The following EXD3 variants were observed in gnomAD, a reference collection of about 807,000 sequenced individuals.
The protein encoded by EXD3 is exonuclease mut-7 homolog.
EXD3 carries 92 observed loss-of-function variants against 98.0 expected under a neutral mutation model. The ratio of observed to expected loss-of-function variants is 0.94; its 90% CI spans 0.79 to 1.12. The LOEUF (loss-of-function observed/expected upper bound fraction) is 1.12, where lower values mean the gene tolerates loss of function less well. Ranked by LOEUF, EXD3 falls within the 50% of genes most tolerant of loss-of-function variation. The probability of loss-of-function intolerance (pLI) is 0.00; values close to 1 mark genes in which losing one functional copy is unlikely to be tolerated. For synonymous variants in EXD3, 569 were observed against 526.0 expected, an observed-to-expected ratio of 1.08 and a Z score of -1.12; for missense variants, 1,222 against 1,191.6, an observed-to-expected ratio of 1.03 and a Z score of -0.38.
At chr9:137,411,725 G>A (rs1176658351) in intron 1 of EXD3, among the ~76,000 whole-genome samples, 61 of 137,342 alleles carry the variant, frequency 4.4e-4, no homozygotes, top group African/African-American at 1.4e-3. Context: ...GGGGATGGGT[G>A]GGGGAGGGGG....
rs61677362 is a variant in EXD3 at position 137,348,320 on chromosome 9, G to A, written c.1831-82C>T. The A allele has an allele frequency of 3.6e-3, 5,097 of 1,419,620 alleles. 138 individuals are homozygous for A. The African/African-American group carries it at 0.064, about 18-fold the overall frequency. The allele number at this position is 1,419,620 out of a possible 1,614,324, so 87.9% of individuals were successfully genotyped here. A position where few individuals can be genotyped will look rare whatever the true frequency, so the allele number is the denominator to read the frequency against. On this transcript the variant is annotated intron_variant, in intron 16 of 21. Transcript: ENST00000340951. ...CAGAGAGCCAGGGCCCTGAGGCTGT[G>A]TGGCCAGCACTCTGTCTCTGTTTTA...
chr9:137,367,585 T>G, intron 6 of EXD3: 1 of 248,298 alleles, frequency 4.0e-6, no homozygotes, highest in Non-Finnish European at 7.8e-6. Context: ...CACTGCACGG[T>G]GGAGGCGTGC....
At chr9:137,388,781 C>T (rs989991955) in intron 2 of EXD3, among the ~76,000 whole-genome samples, 18 of 152,140 alleles carry the variant, frequency 1.2e-4, no homozygotes, top group Non-Finnish European at 1.3e-4. Flanking sequence ...TCTCCAAGGC[C>T]GTCCCACACC....
chr9:137,376,237 G>A (rs985428024), intron 3 of EXD3, among the ~76,000 whole-genome samples: 5 of 151,584 alleles, frequency 3.3e-5, no homozygotes, highest in African/African-American at 7.3e-5. Context: ...CCAGCTACTC[G>A]GGAGGCAGAG....
intron 1 of EXD3, among the ~76,000 whole-genome samples, chr9:137,410,879 G>A (rs1837965338): frequency 6.6e-6 from 1 of 151,934 alleles, no homozygotes; most frequent in South Asian, 2.1e-4. Flanking sequence ...GCAGGTGACT[G>A]TGCCTGGAGC....
At chr9:137,397,623 A>T (rs891808337) in intron 1 of EXD3, among the ~76,000 whole-genome samples, 1 of 152,226 alleles carries the variant, frequency 6.6e-6, no homozygotes, top group Non-Finnish European at 1.5e-5. Context: ...GTGTTAGCAA[A>T]GACTTTAACA....
At chr9:137,374,444 A>C (rs1184508182) in intron 3 of EXD3, 1 of 515,862 alleles carries the variant, frequency 1.9e-6, no homozygotes, top group East Asian at 1.5e-4. Context: ...CGTCCCTGCG[A>C]TGTGGATGGT....
At chr9:137,354,066 C>G in intron 10 of EXD3, 1 of 1,225,496 alleles carries the variant, frequency 8.2e-7, no homozygotes, top group Non-Finnish European at 1.0e-6. Context: ...ACAGGCAGCT[C>G]CGCTGGGTTG....
At chr9:137,418,284 G>A (rs2131845058) in intron 1 of EXD3, among the ~76,000 whole-genome samples, 1 of 152,266 alleles carries the variant, frequency 6.6e-6, no homozygotes, top group Middle Eastern at 3.4e-3. Context: ...GGAAGCAGAG[G>A]TTGCAGTGAG....
At chr9:137,331,975 C>T (rs1395949022) in intron 17 of EXD3, among the ~76,000 whole-genome samples, 1 of 151,904 alleles carries the variant, frequency 6.6e-6, no homozygotes, top group Non-Finnish European at 1.5e-5. Flanking sequence ...TTTACAATAT[C>T]TGCGCAACGA....
rs1009775454 is a variant in EXD3 at position 137,349,322 on chromosome 9, C to T, written c.1658-40G>A. 2.0e-5 allele frequency: 31 copies of T among 1,543,912 alleles called. No individual in the cohort carries two copies. Among genetic ancestry groups the T allele is most frequent in the Admixed American group, 1.9e-4 (10 of 53,244 alleles). On this transcript the variant is annotated intron_variant, in intron 15 of 21. Transcript: ENST00000340951. The surrounding 1 kb of genome is among the most constrained non-coding windows in gnomAD (Gnocchi z 7.4). ...GGCCTCAGCCTCCCGGGACAGAGGG[C>T]GGGAGGGGCGTGAGGAGGGGTCACT...
At chr9:137,380,763 G>C (rs1253790170) in intron 3 of EXD3, among the ~76,000 whole-genome samples, 1 of 141,754 alleles carries the variant, frequency 7.1e-6, no homozygotes, top group Non-Finnish European at 1.5e-5. Context: ...GGCTTCAGTA[G>C]TGGGGCTGGG....
intron 7 of EXD3, among the ~76,000 whole-genome samples, chr9:137,357,535 A>AGTTCTGT (rs1296449516): frequency 6.6e-6 from 1 of 151,908 alleles, no homozygotes; most frequent in Non-Finnish European, 1.5e-5. Context: ...TCATCCACCA[A>AGTTCTGT]GTTCTGTCCT....
intron 19 of EXD3, among the ~76,000 whole-genome samples, chr9:137,317,343 CCT>C (rs1831737914): frequency 6.6e-6 from 1 of 152,168 alleles, no homozygotes; most frequent in South Asian, 2.1e-4. Flanking sequence ...TGCGTGCACC[CCT>C]GGCACCCCGA....
intron 17 of EXD3, among the ~76,000 whole-genome samples, chr9:137,328,717 C>T (rs1832680525): frequency 1.8e-5 from 1 of 54,206 alleles, no homozygotes; most frequent in Admixed American, 1.7e-4. Flanking sequence ...CGGGACTACA[C>T]GGGACTACAC....
At chr9:137,399,590 T>C (rs1837385926) in intron 1 of EXD3, among the ~76,000 whole-genome samples, 2 of 152,234 alleles carry the variant, frequency 1.3e-5, no homozygotes, top group Admixed American at 1.3e-4. Context: ...CTTCTCTTCC[T>C]AACCCCCATA....
Position 137,395,654 on chromosome 9 carries a change from G to A in EXD3, c.-47-250C>T, listed in dbSNP as rs1837179518. 6.6e-6 allele frequency among the ~76,000 whole-genome samples: 1 copy of A among 152,102 alleles called. No homozygotes were observed. The highest frequency in any genetic ancestry group is 2.1e-4 in the South Asian group (1 of 4,828). On this transcript the variant is annotated intron_variant, in intron 1 of 21. Transcript: ENST00000340951. The surrounding 1 kb of genome is among the most constrained non-coding windows in gnomAD (Gnocchi z 6.5). ...CAGCTTTCAGCAGGGAGGGCAGGGG[G>A]TGGGAGGGGCCCTGGGGGGGGGCAC...
chr9:137,345,605 T>C (rs929095900), intron 17 of EXD3: 1 of 143,368 alleles, frequency 7.0e-6, no homozygotes, highest in Admixed American at 7.7e-5. Context: ...GAGGTTGCAG[T>C]GGGCCCAGGT....
Position 137,356,305 on chromosome 9 carries a change from C to G in EXD3, c.720G>C (p.Gln240His). ...EKLSPKALSRQVLRLQERYGV... is the reference protein window; with the variant it reads ...EKLSPKALSRHVLRLQERYGV... ...CGTACCGCTCCTGCAGACGCAAGAC[C>G]TGCCTGCTCAGCGCCTTCGGACTCA... Residue 240 changes from glutamine (Q) to histidine (H), a missense_variant, in exon 8 of 22, where the codon CAG becomes CAC. By Grantham distance (24) the Gln-to-His change is conservative. Transcript: ENST00000340951. 1.2e-6 allele frequency: 2 copies of G among 1,605,018 alleles called. No individual in the cohort carries two copies. The highest frequency in any genetic ancestry group is 1.7e-4 in the Middle Eastern group (1 of 6,012).
Sources: allele counts gnomAD v4.1 joint callset (sites outside exome capture counted in the v4.1 genomes callset), GRCh38; gene constraint gnomAD v4.1.1; non-coding constraint Gnocchi (gnomAD v3.1); transcripts MANE v1.5; gene names NCBI Gene and HGNC (gene_info 2026-07-23, HGNC 2026-07-21).